The following KATNA1 variants were observed in gnomAD, a reference collection of about 807,000 sequenced individuals.
KATNA1 encodes the protein katanin p60 ATPase-containing subunit A1.
In KATNA1, 42 loss-of-function variants were observed where a neutral mutation model predicts 62.6. The ratio of observed to expected loss-of-function variants is 0.67; its 90% confidence interval spans 0.52 to 0.87. The LOEUF is 0.87. Among genes scored for constraint, KATNA1 ranks in the 40% least tolerant of loss-of-function variants. KATNA1 has a pLI of 0.00. For missense variants in KATNA1, 498 were observed against 612.5 expected, an observed-to-expected ratio of 0.81 and a Z score of 1.97; for synonymous variants, 186 against 201.9, an observed-to-expected ratio of 0.92 and a Z score of 0.67.
chr6:149,600,126 G>A (rs1406901697), intron 7 of KATNA1, among the ~76,000 whole-genome samples: 1 of 139,842 alleles, frequency 7.2e-6, no homozygotes, highest in Admixed American at 7.6e-5. Context: ...GGAGGATGCA[G>A]TATGCTATGA....
chr6:149,628,525 G>T (rs1779707722), intron 3 of KATNA1, among the ~76,000 whole-genome samples: 1 of 151,804 alleles, frequency 6.6e-6, no homozygotes, highest in South Asian at 2.1e-4. Context: ...CATAGGTGAA[G>T]AAAGAATGAC....
Position 149,606,616 on chromosome 6 carries a change from CT to C in KATNA1, c.502-1835del, listed in dbSNP as rs900353338. Among the ~76,000 whole-genome samples, 1,261 of 136,396 alleles carry C rather than the reference CT, an allele frequency of 9.2e-3. 13 individuals are homozygous for C. The highest frequency in any genetic ancestry group is 0.024 in the African/African-American group (902 of 37,302). The allele number at this position is 136,396 out of a possible 152,430, so 89.5% of individuals were successfully genotyped here. ...AAGATTCAAGGAAGGAACTGTGTAA[CT>C]TTTTTTTTTTTTTTTTTTGAGATGG... On this transcript the variant is annotated intron_variant, in intron 4 of 10. Transcript: ENST00000367411.
At chr6:149,598,572 T>C (rs1380949321) in intron 7 of KATNA1, among the ~76,000 whole-genome samples, 2 of 151,708 alleles carry the variant, frequency 1.3e-5, no homozygotes, top group Non-Finnish European at 2.9e-5. Context: ...AAAATTAAAA[T>C]ATTAGTTGAG....
At chr6:149,605,884 T>A (rs1778717399) in intron 4 of KATNA1, among the ~76,000 whole-genome samples, 2 of 152,118 alleles carry the variant, frequency 1.3e-5, no homozygotes, top group Admixed American at 1.3e-4. Context: ...TTCTCCTGTC[T>A]CAGCCTTCTG....
chr6:149,599,016 C>T (rs899992020), intron 7 of KATNA1, among the ~76,000 whole-genome samples: 2 of 151,938 alleles, frequency 1.3e-5, no homozygotes, highest in Non-Finnish European at 2.9e-5. Context: ...AGGTGTGTGC[C>T]ACCACACCAG....
chr6:149,607,650 G>C (rs539365733), intron 4 of KATNA1, among the ~76,000 whole-genome samples: 50 of 152,186 alleles, frequency 3.3e-4, no homozygotes, highest in African/African-American at 1.1e-3. Flanking sequence ...AGTGAAAACA[G>C]TAACCAGTAG....
chr6:149,604,054 T>C lies in KATNA1; in HGVS notation c.623+607A>G, dbSNP rs75373224. On this transcript the variant is annotated intron_variant, in intron 5 of 10. Transcript: ENST00000367411. ...TGGAAAAGTTAACTTTTATAACTCA[T>C]TGTAATACATTACAGATCTTTGATT... Among the ~76,000 whole-genome samples the C allele has an allele frequency of 5.2e-3, 787 of 152,342 alleles. 3 individuals carry two copies. The highest frequency in any genetic ancestry group is 0.017 in the African/African-American group (724 of 41,576).
intron 4 of KATNA1, among the ~76,000 whole-genome samples, chr6:149,612,547 C>G (rs930061468): frequency 1.3e-5 from 2 of 152,078 alleles, no homozygotes; most frequent in African/African-American, 2.4e-5. Context: ...CAATTCTACA[C>G]AAACTCTTCC....
intron 3 of KATNA1, among the ~76,000 whole-genome samples, chr6:149,630,630 A>T (rs1779794033): frequency 6.6e-6 from 1 of 152,232 alleles, no homozygotes; most frequent in Admixed American, 6.5e-5. Context: ...TCTGTCTCAA[A>T]AAAAATAAAA....
chr6:149,601,724 G>T lies in KATNA1; in HGVS notation c.758C>A (p.Thr253Lys), dbSNP rs770397288. ...KGVLMVGPPG[T>K]GKTLLAKAVA... ...TGCTTTAGCAAGGAGCGTCTTCCCC[G>T]TGCCAGGTGGGCCGACCATCAGTAC... The change falls in exon 7 of 11, where the codon ACG becomes AAG. Residue 253 changes from threonine (T) to lysine (K), a missense_variant. Around this residue, in one of 3 missense-constraint regions of KATNA1, gnomAD observed 267 missense variants for 372.6 expected, o/e 0.72. Coordinates refer to ENST00000367411, the MANE Select transcript of KATNA1 (RefSeq NM_007044.4). 3.1e-6 allele frequency: 5 copies of T among 1,607,450 alleles called. No individual in the cohort carries two copies. The highest frequency in any genetic ancestry group is 4.2e-6 in the Non-Finnish European group (5 of 1,177,734).
At chr6:149,601,572 T>G in intron 7 of KATNA1, 22 bp downstream of exon 7, 7 of 1,580,128 alleles carry the variant, frequency 4.4e-6, no homozygotes, top group Non-Finnish European at 5.2e-6. Flanking sequence ...AAAGAATCAT[T>G]AGAGCTGTCT....
At chr6:149,617,449 A>G (rs1314841373) in intron 4 of KATNA1, among the ~76,000 whole-genome samples, 1 of 152,248 alleles carries the variant, frequency 6.6e-6, no homozygotes, top group African/African-American at 2.4e-5. Context: ...CAATCATTAC[A>G]AAAATGAAAT....
chr6:149,635,235 C>A (rs1229027964), intron 2 of KATNA1, among the ~76,000 whole-genome samples: 1 of 152,080 alleles, frequency 6.6e-6, no homozygotes. Flanking sequence ...CATGATTGCA[C>A]CACCATACTC....
chr6:149,595,150 G>A lies in KATNA1; in HGVS notation c.1362C>T (p.His454=), dbSNP rs749586515. ...EIRNLSKEEM[H]MPTTMEDFEM... is the part of the protein sequence containing the mutation. ...CGAAATCCTCCATAGTTGTAGGCAT[G>A]TGCATTTCTTCTTTGGAAAGATTTC... The change falls in exon 11 of 11, where the codon CAC becomes CAT. Residue 454 remains histidine, a synonymous_variant. Coordinates refer to ENST00000367411, the MANE Select transcript of KATNA1 (RefSeq NM_007044.4). 3 of 1,613,824 alleles carry A rather than the reference G, an allele frequency of 1.9e-6. No individual in the cohort carries two copies. The South Asian group carries it at 3.3e-5, about 18-fold the overall frequency.
intron 4 of KATNA1, among the ~76,000 whole-genome samples, chr6:149,606,959 T>C (rs571944231): frequency 6.6e-6 from 1 of 152,290 alleles, no homozygotes; most frequent in South Asian, 2.1e-4. Flanking sequence ...GATAATCTTT[T>C]CTTCAAAGTA....
At chr6:149,647,654 T>C (rs1487860893) in intron 1 of KATNA1, among the ~76,000 whole-genome samples, 1 of 151,908 alleles carries the variant, frequency 6.6e-6, no homozygotes, top group Non-Finnish European at 1.5e-5. Context: ...AAGGTGATTA[T>C]CATTGTGATT....
intron 1 of KATNA1, among the ~76,000 whole-genome samples, chr6:149,646,923 T>C (rs1780507848): frequency 6.6e-6 from 1 of 152,160 alleles, no homozygotes; most frequent in Non-Finnish European, 1.5e-5. Flanking sequence ...TAATAGAAAT[T>C]CAACAATGTT....
intron 8 of KATNA1, chr6:149,597,937 C>G: frequency 2.2e-6 from 1 of 462,608 alleles, no homozygotes; most frequent in Non-Finnish European, 3.8e-6. Flanking sequence ...GCCAATTTAT[C>G]TGCATTTATT....
chr6:149,602,539 G>C (rs1183852724), intron 6 of KATNA1, among the ~76,000 whole-genome samples: 1 of 151,738 alleles, frequency 6.6e-6, no homozygotes, highest in Non-Finnish European at 1.5e-5. Flanking sequence ...TCTTTTTTTA[G>C]ATCAGCCCAT....
Sources: allele counts gnomAD v4.1 joint callset (sites outside exome capture counted in the v4.1 genomes callset), GRCh38; gene constraint gnomAD v4.1.1; regional missense constraint gnomAD v4.1.1; transcripts MANE v1.5; gene names NCBI Gene and HGNC (gene_info 2026-07-23, HGNC 2026-07-21).